The following MARCHF8 variants were observed in gnomAD, a reference collection of about 807,000 sequenced individuals.
MARCHF8 encodes the protein membrane associated ring-CH-type finger 8.
In MARCHF8, 40 loss-of-function variants were observed where a neutral mutation model predicts 51.6. The observed-to-expected ratio is 0.77, with a 90% CI of 0.60 to 1.01. The LOEUF (loss-of-function observed/expected upper bound fraction) is 1.01, where lower values mean the gene tolerates loss of function less well. Ranked by LOEUF, MARCHF8 falls within the 50% of genes least tolerant of loss-of-function variation. The pLI is 0.00. For missense variants in MARCHF8, 685 were observed against 708.6 expected (o/e 0.97, Z 0.38); for synonymous variants, 263 against 280.3 (o/e 0.94, Z 0.62).
At chr10:45,549,803 T>A (rs1397496578) in intron 1 of MARCHF8, among the ~76,000 whole-genome samples, 1 of 152,174 alleles carries the variant, frequency 6.6e-6, no homozygotes, top group Non-Finnish European at 1.5e-5. Context: ...CTTCTCTCCA[T>A]CCCAGGCACA....
At chr10:45,516,591 C>T (rs1335007366) in intron 2 of MARCHF8, among the ~76,000 whole-genome samples, 1 of 152,168 alleles carries the variant, frequency 6.6e-6, no homozygotes, top group African/African-American at 2.4e-5. Flanking sequence ...CAGCGAAACC[C>T]TATTTCTACT....
chr10:45,504,440 G>A (rs1049238144), intron 2 of MARCHF8, among the ~76,000 whole-genome samples: 1 of 152,158 alleles, frequency 6.6e-6, no homozygotes, highest in African/African-American at 2.4e-5. Context: ...GCGAAACTCC[G>A]TCTCGAAAAA....
chr10:45,464,244 G>A lies in MARCHF8; in HGVS notation c.237C>T (p.Ile79=). The part of the protein sequence containing the change: ...RTSITPSSQD[I]CSSSAVFSEC... ...CATCTGAAGCAGAGTGTTACCTGCA[G>A]ATGTCCTGGCTGGATGGCGTGATAG... Residue 79 remains isoleucine, a synonymous_variant, in exon 4 of 8, where the codon ATC becomes ATT. Coordinates refer to ENST00000453424, the MANE Select transcript of MARCHF8 (RefSeq NM_001282866.2). 1.2e-6 allele frequency: 2 copies of A among 1,614,092 alleles called. No individual in the cohort carries two copies. Among genetic ancestry groups the A allele is most frequent in the Non-Finnish European group, 1.7e-6 (2 of 1,179,938 alleles).
intron 1 of MARCHF8, among the ~76,000 whole-genome samples, chr10:45,581,806 G>A (rs981920809): frequency 2.0e-5 from 3 of 151,996 alleles, no homozygotes; most frequent in South Asian, 2.1e-4. Context: ...CTTAGTTTAC[G>A]GGGAAAGTGT....
chr10:45,570,290 A>C (rs894134354), intron 1 of MARCHF8, among the ~76,000 whole-genome samples: 1 of 152,236 alleles, frequency 6.6e-6, no homozygotes, highest in Non-Finnish European at 1.5e-5. Context: ...CAAAATCAGT[A>C]ACTTACAAAA....
At chr10:45,540,574 TA>T (rs1273712554) in intron 1 of MARCHF8, among the ~76,000 whole-genome samples, 1 of 152,172 alleles carries the variant, frequency 6.6e-6, no homozygotes, top group African/African-American at 2.4e-5. Context: ...AAATGGGATC[TA>T]ATTAAACTAA....
In MARCHF8 at chr10:45,489,394, G is replaced by T. The variant is rs992488478; in HGVS notation, c.126C>A (p.Phe42Leu). ...TAGAAATGTTGCTTGAATGACTCAT[G>T]AAATGTCCCAAAGTCTTCTCATTCT... ...EEQNEKTLGH[F>L]MSHSSNISKA... The change falls in exon 3 of 8, where the codon TTC (phenylalanine) becomes TTA (leucine). Residue 42 changes from phenylalanine (F) to leucine (L), a missense_variant. Physicochemically the swap from Phe to Leu is conservative, Grantham distance 22. Transcript: ENST00000453424. 2 of 1,612,650 alleles carry T rather than the reference G, an allele frequency of 1.2e-6. No individual in the cohort carries two copies. The highest frequency in any genetic ancestry group is 1.7e-6 in the Non-Finnish European group (2 of 1,179,438).
intron 2 of MARCHF8, among the ~76,000 whole-genome samples, chr10:45,508,720 A>T (rs1319291480): frequency 6.6e-6 from 1 of 152,194 alleles, no homozygotes; most frequent in Non-Finnish European, 1.5e-5. Context: ...GATTATTGCT[A>T]TATTTCAAGA....
intron 2 of MARCHF8, among the ~76,000 whole-genome samples, chr10:45,512,407 C>A (rs981206578): frequency 1.3e-5 from 2 of 150,030 alleles, no homozygotes; most frequent in Non-Finnish European, 3.0e-5. Flanking sequence ...GGGGGGTCAG[C>A]CCCCCGCCCG....
chr10:45,475,027 C>T (rs1179945180), intron 3 of MARCHF8, among the ~76,000 whole-genome samples: 1 of 152,214 alleles, frequency 6.6e-6, no homozygotes, highest in East Asian at 1.9e-4. Context: ...ATACTGAGAG[C>T]CCAGTCCTCA....
At position 45,476,016 on chromosome 10, in the gene MARCHF8, T is replaced by C. The variant is rs1003927700; in HGVS notation, c.154-11689A>G. On this transcript the variant is annotated intron_variant, in intron 3 of 7. Coordinates refer to ENST00000453424, the MANE Select transcript of MARCHF8 (RefSeq NM_001282866.2). ...ACTATACTACTGCACACAATGAGAA[T>C]CAAAGCTAAAGTGCCCTGCACAACC... 2.8e-4 allele frequency among the ~76,000 whole-genome samples: 43 copies of C among 152,016 alleles called. 1 individual carries two copies. Among genetic ancestry groups the C allele is most frequent in the Non-Finnish European group, 8.8e-5 (6 of 68,008 alleles).
intron 2 of MARCHF8, among the ~76,000 whole-genome samples, chr10:45,527,584 AAT>A (rs1196584475): frequency 6.6e-6 from 1 of 152,166 alleles, no homozygotes; most frequent in Non-Finnish European, 1.5e-5. Context: ...TGAAGAGACC[AAT>A]AACCAGTAAG....
At chr10:45,470,154 A>G (rs1412173536) in intron 3 of MARCHF8, among the ~76,000 whole-genome samples, 1 of 152,178 alleles carries the variant, frequency 6.6e-6, no homozygotes, top group Non-Finnish European at 1.5e-5. Flanking sequence ...TAGTGGCTTA[A>G]AACTACACAA....
intron 1 of MARCHF8, among the ~76,000 whole-genome samples, chr10:45,561,091 G>A (rs2044305421): frequency 6.6e-6 from 1 of 151,974 alleles, no homozygotes; most frequent in Non-Finnish European, 1.5e-5. Flanking sequence ...CCTGTCTAGT[G>A]CATTCAAATA....
intron 1 of MARCHF8, among the ~76,000 whole-genome samples, chr10:45,555,144 G>A (rs886519281): frequency 1.6e-4 from 24 of 152,068 alleles, no homozygotes; most frequent in African/African-American, 5.3e-4. Flanking sequence ...GAAGAGAATC[G>A]CTTGAACCTA....
At chr10:45,575,785 A>C (rs2044483096) in intron 1 of MARCHF8, among the ~76,000 whole-genome samples, 1 of 152,202 alleles carries the variant, frequency 6.6e-6, no homozygotes. Flanking sequence ...GTAACTGAAG[A>C]ATCACAAAAG....
intron 1 of MARCHF8, among the ~76,000 whole-genome samples, chr10:45,540,432 G>GACTT (rs1013917839): frequency 3.4e-4 from 51 of 152,234 alleles, no homozygotes; most frequent in South Asian, 8.3e-4. Flanking sequence ...ATGGATTAAA[G>GACTT]ACTTACATGT....
At chr10:45,547,015 G>A (rs981451770) in intron 1 of MARCHF8, among the ~76,000 whole-genome samples, 3 of 152,078 alleles carry the variant, frequency 2.0e-5, no homozygotes, top group African/African-American at 7.2e-5. Flanking sequence ...TTTAGGCCAG[G>A]AGTTCTAGAC....
At chr10:45,507,721 A>G (rs1244089778) in intron 2 of MARCHF8, among the ~76,000 whole-genome samples, 2 of 152,064 alleles carry the variant, frequency 1.3e-5, no homozygotes, top group Non-Finnish European at 2.9e-5. Context: ...AAACTACATC[A>G]GCTGTAAAGG....
Sources: allele counts gnomAD v4.1 joint callset (sites outside exome capture counted in the v4.1 genomes callset), GRCh38; gene constraint gnomAD v4.1.1; transcripts MANE v1.5; gene names NCBI Gene and HGNC (gene_info 2026-07-23, HGNC 2026-07-21).